The following DOCK3 variants were observed in gnomAD, a reference collection of about 807,000 sequenced individuals.
DOCK3 encodes dedicator of cytokinesis 3.
Under a neutral mutation model 265.6 loss-of-function variants are expected in DOCK3, and 60 were observed. The ratio of observed to expected loss-of-function variants is 0.23; its 90% CI spans 0.18 to 0.28. The LOEUF (loss-of-function observed/expected upper bound fraction) is 0.28. Among genes scored for constraint, DOCK3 ranks in the 10% least tolerant of loss-of-function variants. DOCK3 has a pLI of 1.00. For missense variants in DOCK3, 1,981 were observed against 2,594.3 expected (o/e 0.76, Z 5.14); for synonymous variants, 881 against 938.0 (o/e 0.94, Z 1.11).
chr3:51,081,401 A>G (rs889632456), intron 7 of DOCK3, among the ~76,000 whole-genome samples: 6 of 152,320 alleles, frequency 3.9e-5, no homozygotes, highest in Middle Eastern at 3.4e-3. Context: ...AATGTGAATG[A>G]CTTTCTATAA....
At chr3:50,800,931 G>A (rs1444067609) in intron 2 of DOCK3, among the ~76,000 whole-genome samples, 1 of 151,894 alleles carries the variant, frequency 6.6e-6, no homozygotes, top group East Asian at 1.9e-4. Context: ...GGTCATTCAG[G>A]AGCATGTTGT....
intron 2 of DOCK3, among the ~76,000 whole-genome samples, chr3:50,840,188 T>C (rs2045748756): frequency 6.6e-6 from 1 of 152,232 alleles, no homozygotes; most frequent in African/African-American, 2.4e-5. Flanking sequence ...TTTGTTCTCT[T>C]AACAATGCCT....
intron 3 of DOCK3, among the ~76,000 whole-genome samples, chr3:50,854,082 T>G (rs2046464047): frequency 6.6e-6 from 1 of 152,166 alleles, no homozygotes; most frequent in Non-Finnish European, 1.5e-5. Context: ...GAGCATTTTT[T>G]CACGTATGTT....
chr3:51,110,986 A>G (rs547274276), intron 9 of DOCK3, among the ~76,000 whole-genome samples: 2 of 152,370 alleles, frequency 1.3e-5, no homozygotes, highest in East Asian at 3.8e-4. Context: ...GCAAAGTTTC[A>G]GAATACAAAA....
chr3:50,708,627 C>A (rs1040558838), intron 1 of DOCK3, among the ~76,000 whole-genome samples: 1 of 152,310 alleles, frequency 6.6e-6, no homozygotes, highest in East Asian at 1.9e-4. Context: ...ATTGTGTGGG[C>A]TCCTGAGATC....
chr3:50,922,932 C>A (rs1416551630), intron 4 of DOCK3, among the ~76,000 whole-genome samples: 1 of 152,014 alleles, frequency 6.6e-6, no homozygotes, highest in African/African-American at 2.4e-5. Flanking sequence ...CCACCTTTTC[C>A]CCGAGTCCCC....
chr3:51,071,780 G>A (rs940331603), intron 6 of DOCK3, among the ~76,000 whole-genome samples: 3 of 152,102 alleles, frequency 2.0e-5, no homozygotes, highest in Admixed American at 6.6e-5. Context: ...CCCTGCATTC[G>A]ATGTTCACTA....
intron 5 of DOCK3, among the ~76,000 whole-genome samples, chr3:51,004,277 G>T (rs1478015264): frequency 6.6e-6 from 1 of 152,102 alleles, no homozygotes. Context: ...GCTATGGAGA[G>T]GCCCATGTGA....
At chr3:50,857,949 A>T (rs1575374692) in intron 3 of DOCK3, among the ~76,000 whole-genome samples, 1 of 152,362 alleles carries the variant, frequency 6.6e-6, no homozygotes, top group Admixed American at 6.5e-5. Context: ...AAGGATTATA[A>T]ATCATGCTGC....
intron 3 of DOCK3, among the ~76,000 whole-genome samples, chr3:50,851,858 G>A (rs2046370826): frequency 6.6e-6 from 1 of 152,224 alleles, no homozygotes; most frequent in African/African-American, 2.4e-5. Context: ...TTCCTAGATG[G>A]TCATGCTGCC....
At chr3:51,154,693 A>G (rs2107450359) in intron 10 of DOCK3, among the ~76,000 whole-genome samples, 1 of 152,370 alleles carries the variant, frequency 6.6e-6, no homozygotes, top group Middle Eastern at 3.4e-3. Context: ...AGCTGCGTGC[A>G]TGTACTGTCT....
At chr3:50,788,176 T>G (rs1290095568) in intron 2 of DOCK3, 1 of 758,614 alleles carries the variant, frequency 1.3e-6, no homozygotes, top group Non-Finnish European at 2.1e-6. Context: ...GGCACCATGA[T>G]GAAAGCTGGA....
At chr3:51,193,064 G>A (rs1388411591) in intron 12 of DOCK3, among the ~76,000 whole-genome samples, 1 of 152,026 alleles carries the variant, frequency 6.6e-6, no homozygotes, top group Non-Finnish European at 1.5e-5. Flanking sequence ...TGTTGTATGT[G>A]GCCTTTATTA....
intron 1 of DOCK3, among the ~76,000 whole-genome samples, chr3:50,729,876 C>T (rs2038085370): frequency 7.1e-6 from 1 of 141,394 alleles, no homozygotes; most frequent in African/African-American, 2.7e-5. Flanking sequence ...GTGGCCCAGG[C>T]TGGAGCACAG....
chr3:51,202,026 T>C (rs1421196605), intron 12 of DOCK3, among the ~76,000 whole-genome samples: 1 of 152,190 alleles, frequency 6.6e-6, no homozygotes, highest in Admixed American at 6.5e-5. Context: ...TAAAGCAGTG[T>C]GTAGAGGGAA....
chr3:50,810,015 G>T lies in DOCK3; in HGVS notation c.121+31257G>T, dbSNP rs547335081. On this transcript the variant is annotated intron_variant, in intron 2 of 52. Transcript: ENST00000266037. Reference sequence around the variant, plus strand: ...ATTAGCATGGTGGTGTGTGCCTGTAGTCTTAGCTACTCAGGTGGGTAAGGT... The same window carrying T: ...ATTAGCATGGTGGTGTGTGCCTGTATTCTTAGCTACTCAGGTGGGTAAGGT... Among the ~76,000 whole-genome samples the T allele has an allele frequency of 5.3e-5, 8 of 152,212 alleles. No homozygotes were observed. The South Asian group carries it at 1.2e-3, about 24-fold the overall frequency.
intron 2 of DOCK3, among the ~76,000 whole-genome samples, chr3:50,809,354 G>A (rs571192781): frequency 6.6e-6 from 1 of 152,144 alleles, no homozygotes; most frequent in African/African-American, 2.4e-5. Context: ...GGAAATGCAC[G>A]TTTAAACTGT....
At chr3:50,786,589 C>A in intron 2 of DOCK3, 1 of 549,300 alleles carries the variant, frequency 1.8e-6, no homozygotes, top group South Asian at 1.7e-5. Flanking sequence ...CTGTTCTTCT[C>A]TGCCAACTGC....
At chr3:51,104,239 T>C (rs187209082) in intron 9 of DOCK3, among the ~76,000 whole-genome samples, 5 of 152,256 alleles carry the variant, frequency 3.3e-5, no homozygotes, top group Admixed American at 6.5e-5. Flanking sequence ...ACCAGTGTCA[T>C]TGGAACAAAA....
Sources: gnomAD v4.1 joint callset for allele counts (sites outside exome capture counted in the v4.1 genomes callset) on GRCh38, gnomAD v4.1.1 for gene constraint, MANE v1.5 for transcripts, NCBI Gene and HGNC (gene_info 2026-07-23, HGNC 2026-07-21) for gene names.